CAMK1D: variants seen among roughly 807,000 people sequenced by gnomAD.
CAMK1D encodes the protein calcium/calmodulin dependent protein kinase ID, also known as calcium/calmodulin-dependent protein kinase type 1D.
CAMK1D carries 9 observed loss-of-function variants against 47.7 expected under a neutral mutation model. That is an observed-to-expected ratio of 0.19 (90% CI 0.11 to 0.33). The LOEUF (loss-of-function observed/expected upper bound fraction) is 0.33, where lower values mean the gene tolerates loss of function less well. CAMK1D is among the 10% of genes least tolerant of loss of function. The probability of loss-of-function intolerance (pLI) is 1.00; values close to 1 mark genes in which losing one functional copy is unlikely to be tolerated. For synonymous variants in CAMK1D, 184 were observed against 184.9 expected (o/e 0.99, Z 0.04); for missense variants, 291 against 488.7 (o/e 0.60, Z 3.81).
At chr10:12,498,748 G>A (rs1588557034) in intron 1 of CAMK1D, among the ~76,000 whole-genome samples, 2 of 152,112 alleles carry the variant, frequency 1.3e-5, no homozygotes, top group Admixed American at 6.5e-5. Flanking sequence ...CAAAGTAGCC[G>A]ATCTTCAGAC....
intron 2 of CAMK1D, among the ~76,000 whole-genome samples, chr10:12,638,527 T>C (rs991634524): frequency 2.6e-5 from 4 of 152,142 alleles, no homozygotes; most frequent in African/African-American, 9.7e-5. Context: ...TAAATCCTGC[T>C]TGTTCTTCCT....
intron 2 of CAMK1D, among the ~76,000 whole-genome samples, chr10:12,656,555 T>A (rs1035477056): frequency 6.6e-6 from 1 of 152,236 alleles, no homozygotes; most frequent in Non-Finnish European, 1.5e-5. Context: ...GTCATTTGTT[T>A]GTTTGTTTAT....
rs1840398239 is a variant in CAMK1D at position 12,665,418 on chromosome 10, GC to G, written c.225-1317del. On this transcript the variant is annotated intron_variant, in intron 2 of 10. Coordinates refer to ENST00000619168, the MANE Select transcript of CAMK1D (RefSeq NM_153498.4). ...TTTTCCTAACTAAATAAGGTTTCTT[GC>G]TGTTTAGCGGCAACAGCCTTTCAAT... is the stretch of plus-strand genomic sequence containing the variant. 2.0e-5 allele frequency among the ~76,000 whole-genome samples: 3 copies of G among 152,294 alleles called. No homozygotes were observed. In the South Asian group the frequency reaches 6.2e-4, roughly 32 times the overall value.
At chr10:12,792,513 G>A (rs1036384519) in intron 6 of CAMK1D, among the ~76,000 whole-genome samples, 2 of 152,200 alleles carry the variant, frequency 1.3e-5, no homozygotes, top group Admixed American at 6.5e-5. Flanking sequence ...AAGACTGCAG[G>A]GGATGGTGAT....
chr10:12,435,828 A>G (rs1276811786), intron 1 of CAMK1D, among the ~76,000 whole-genome samples: 2 of 152,144 alleles, frequency 1.3e-5, no homozygotes, highest in African/African-American at 4.8e-5. Flanking sequence ...ATTGTCTTGT[A>G]TTCGTGCTGC....
rs146133603 is a variant in CAMK1D at position 12,454,204 on chromosome 10, T to A, written c.93-99021T>A. ...TCGCGATGGAGTCTCGCTCTGTCAC[T>A]CAGGCTGGAGTGCAGTGACGCGATT... On this transcript the variant is annotated intron_variant, in intron 1 of 10. Coordinates refer to ENST00000619168, the MANE Select transcript of CAMK1D (RefSeq NM_153498.4). 5.6e-3 allele frequency among the ~76,000 whole-genome samples: 858 copies of A among 152,302 alleles called. 6 individuals carry two copies. Among genetic ancestry groups the A allele is most frequent in the East Asian group, 0.038 (198 of 5,176 alleles).
In CAMK1D at chr10:12,520,869, G is replaced by A. The variant is rs1249283878; in HGVS notation, c.93-32356G>A. 5.9e-5 allele frequency among the ~76,000 whole-genome samples: 2 copies of A among 34,176 alleles called. 1 individual carries two copies. The highest frequency in any genetic ancestry group is 1.3e-4 in the Non-Finnish European group (2 of 15,996). 22.4% of individuals were successfully genotyped at this position (34,176 alleles called of 152,430 possible). ...AGGCAGGGAGGTTGCAGTGAGCCGA[G>A]ATGGCAGCAGTACCGTCCAGCTTTG... is the stretch of plus-strand genomic sequence containing the variant. On this transcript the variant is annotated intron_variant, in intron 1 of 10. Coordinates refer to ENST00000619168, the MANE Select transcript of CAMK1D (RefSeq NM_153498.4).
At chr10:12,371,669 G>A (rs575953340) in intron 1 of CAMK1D, among the ~76,000 whole-genome samples, 2 of 151,784 alleles carry the variant, frequency 1.3e-5, no homozygotes, top group Admixed American at 6.6e-5. Context: ...AGGCCAAGGC[G>A]GGTGGATCAT....
At chr10:12,601,812 G>A (rs1239563446) in intron 2 of CAMK1D, among the ~76,000 whole-genome samples, 1 of 152,222 alleles carries the variant, frequency 6.6e-6, no homozygotes, top group Non-Finnish European at 1.5e-5. Flanking sequence ...CAAGCCATCA[G>A]CAGGGCTTTC....
At chr10:12,521,646 T>A (rs1835419080) in intron 1 of CAMK1D, among the ~76,000 whole-genome samples, 1 of 152,158 alleles carries the variant, frequency 6.6e-6, no homozygotes, top group South Asian at 2.1e-4. Flanking sequence ...CCCCGCCAAT[T>A]TTCTGTCTGC....
rs181928308 is a variant in CAMK1D, at chr10:12,815,953, T to G, written c.755-297T>G. On this transcript the variant is annotated intron_variant, in intron 7 of 10. Coordinates refer to ENST00000619168, the MANE Select transcript of CAMK1D (RefSeq NM_153498.4). The stretch of plus-strand genomic sequence containing the variant: ...AATTAGAGGCACATGATAACAAAGA[T>G]ATTTCTTCTCTTCTCTCAACCAAAG... 1.1e-4 allele frequency among the ~76,000 whole-genome samples: 17 copies of G among 152,330 alleles called. No homozygotes were observed. The East Asian group carries it at 3.1e-3, about 28-fold the overall frequency.
At chr10:12,486,302 G>A (rs1417745008) in intron 1 of CAMK1D, among the ~76,000 whole-genome samples, 1 of 152,038 alleles carries the variant, frequency 6.6e-6, no homozygotes, top group African/African-American at 2.4e-5. Context: ...GGGACTACAG[G>A]TGCCCACCAC....
At chr10:12,591,707 T>A (rs1280944656) in intron 2 of CAMK1D, among the ~76,000 whole-genome samples, 2 of 152,228 alleles carry the variant, frequency 1.3e-5, no homozygotes, top group African/African-American at 4.8e-5. Flanking sequence ...GTTGGTTTGT[T>A]TTTTGAGACG....
intron 3 of CAMK1D, among the ~76,000 whole-genome samples, chr10:12,702,847 G>T (rs989162685): frequency 1.3e-5 from 2 of 152,228 alleles, no homozygotes; most frequent in African/African-American, 4.8e-5. Context: ...ATTCCACAGT[G>T]TGCTTCCTAG....
intron 5 of CAMK1D, among the ~76,000 whole-genome samples, chr10:12,774,659 C>A (rs1837196262): frequency 6.6e-6 from 1 of 152,164 alleles, no homozygotes; most frequent in Non-Finnish European, 1.5e-5. Context: ...GATTCGGGGC[C>A]TGTTAGGAAG....
chr10:12,662,446 A>T (rs1840300191), intron 2 of CAMK1D, among the ~76,000 whole-genome samples: 1 of 152,132 alleles, frequency 6.6e-6, no homozygotes, highest in African/African-American at 2.4e-5. Flanking sequence ...GAGGTCAGGG[A>T]TGGAGACCAT....
intron 2 of CAMK1D, among the ~76,000 whole-genome samples, chr10:12,585,570 A>G (rs950807277): frequency 2.6e-5 from 4 of 152,208 alleles, no homozygotes; most frequent in African/African-American, 9.6e-5. Context: ...CAATCATGGG[A>G]GAAGGTGAAT....
At chr10:12,755,173 T>C (rs4072656) in intron 3 of CAMK1D, among the ~76,000 whole-genome samples, 38,832 of 152,090 alleles carry the variant, frequency 0.26, 5,168 homozygotes, top group Non-Finnish European at 0.3. Context: ...GAGGAAAATA[T>C]TGAGGGGAGA....
At chr10:12,358,067 G>A (rs903272397) in intron 1 of CAMK1D, among the ~76,000 whole-genome samples, 1 of 152,002 alleles carries the variant, frequency 6.6e-6, no homozygotes, top group Non-Finnish European at 1.5e-5. Flanking sequence ...ACTTAGAAAT[G>A]GAGAGATTCC....
Sources: allele counts gnomAD v4.1 joint callset (sites outside exome capture counted in the v4.1 genomes callset), GRCh38; gene constraint gnomAD v4.1.1; transcripts MANE v1.5; gene names NCBI Gene and HGNC (gene_info 2026-07-23, HGNC 2026-07-21).